Variants in EDN1 observed in about 807,000 individuals in gnomAD.
EDN1 encodes the protein endothelin-1.
Under a neutral mutation model 21.7 loss-of-function variants are expected in EDN1, and 11 were observed. The observed-to-expected ratio is 0.51, with a 90% confidence interval of 0.32 to 0.84. The LOEUF is 0.84. Among genes scored for constraint, EDN1 ranks in the 40% least tolerant of loss-of-function variants. EDN1 has a pLI of 0.03. For synonymous variants in EDN1, 85 were observed against 90.6 expected (o/e 0.94, Z 0.35); for missense variants, 244 against 262.3 (o/e 0.93, Z 0.48).
At chr6:12,265,567 C>A in the EDN1 span, among the ~76,000 whole-genome samples, 10 of 152,164 alleles carry the variant, frequency 6.6e-5, no homozygotes, top group Non-Finnish European at 1.3e-4. Flanking sequence ...AGGAAGGAGA[C>A]TTCAGAAAAA....
At chr6:12,238,354 T>C in the EDN1 span, among the ~76,000 whole-genome samples, 1 of 152,120 alleles carries the variant, frequency 6.6e-6, no homozygotes, top group Admixed American at 6.6e-5. Context: ...AGTGGAGTCA[T>C]TTCTCAAGTC....
chr6:12,274,997 C>T, the EDN1 span, among the ~76,000 whole-genome samples: 1 of 145,684 alleles, frequency 6.9e-6, no homozygotes, highest in African/African-American at 2.6e-5. Flanking sequence ...TCCCTCCCTC[C>T]CTCCCTCCCT....
the EDN1 span, among the ~76,000 whole-genome samples, chr6:12,271,970 C>A: frequency 1.3e-5 from 2 of 152,046 alleles, no homozygotes; most frequent in African/African-American, 4.8e-5. Context: ...TGATATTTTT[C>A]TCAAAAAGCC....
Position 12,293,909 on chromosome 6 carries a change from T to G in EDN1, c.234-32T>G. ...TCATTTTAAAGACTATTAATTACAC[T>G]AATATAGTTTCTTTCTCTCTTTGGA... On this transcript the variant is annotated intron_variant, in intron 2 of 4. Coordinates refer to ENST00000379375, the MANE Select transcript of EDN1 (RefSeq NM_001955.5). 3 of 1,612,678 alleles carry G rather than the reference T, an allele frequency of 1.9e-6. No homozygotes were observed. In the African/African-American group the frequency reaches 4.0e-5, roughly 22 times the overall value.
the EDN1 span, among the ~76,000 whole-genome samples, chr6:12,281,822 G>C: frequency 6.6e-6 from 1 of 152,138 alleles, no homozygotes; most frequent in Non-Finnish European, 1.5e-5. Flanking sequence ...TTCCCTAGAA[G>C]GGATCGAAGC....
the EDN1 span, among the ~76,000 whole-genome samples, chr6:12,270,281 G>A: frequency 6.6e-6 from 1 of 151,670 alleles, no homozygotes; most frequent in African/African-American, 2.4e-5. Context: ...TTTGTTTATT[G>A]TTGCTCTGAT....
At chr6:12,292,558 T>C in intron 2 of EDN1, 49 bp downstream of exon 2, 1 of 1,608,460 alleles carries the variant, frequency 6.2e-7, no homozygotes, top group African/African-American at 1.3e-5. Context: ...TAGCGCTGGC[T>C]CCACTGGAGC....
At chr6:12,260,669 C>G in the EDN1 span, among the ~76,000 whole-genome samples, 1 of 152,122 alleles carries the variant, frequency 6.6e-6, no homozygotes, top group Non-Finnish European at 1.5e-5. Context: ...GATTATATGC[C>G]TTTTACTGTC....
At chr6:12,255,251 A>G in the EDN1 span, among the ~76,000 whole-genome samples, 1 of 152,176 alleles carries the variant, frequency 6.6e-6, no homozygotes, top group Non-Finnish European at 1.5e-5. Context: ...ACCTTCATAA[A>G]TTATCCACCA....
chr6:12,240,247 G>A, the EDN1 span, among the ~76,000 whole-genome samples: 17 of 152,188 alleles, frequency 1.1e-4, no homozygotes, highest in African/African-American at 2.2e-4. Flanking sequence ...AGAAAGGCGC[G>A]CACTTGGGAG....
chr6:12,270,064 C>A, the EDN1 span, among the ~76,000 whole-genome samples: 1 of 151,928 alleles, frequency 6.6e-6, no homozygotes, highest in Non-Finnish European at 1.5e-5. Flanking sequence ...TTAACCATTT[C>A]TTCTAGATTT....
At chr6:12,284,019 C>T in the EDN1 span, among the ~76,000 whole-genome samples, 2 of 152,162 alleles carry the variant, frequency 1.3e-5, no homozygotes, top group Non-Finnish European at 2.9e-5. Flanking sequence ...TTTCTTTTCT[C>T]CATTTGTATT....
At chr6:12,258,221 G>T in the EDN1 span, among the ~76,000 whole-genome samples, 17 of 151,674 alleles carry the variant, frequency 1.1e-4, no homozygotes, top group Admixed American at 1.1e-3. Context: ...AGAGGCCAAA[G>T]CCGGAAGATC....
the EDN1 span, among the ~76,000 whole-genome samples, chr6:12,256,930 C>T: frequency 4.6e-5 from 7 of 152,056 alleles, no homozygotes; most frequent in East Asian, 3.9e-4. Flanking sequence ...TCTGTACAGA[C>T]GTATTAAAGG....
At chr6:12,295,523 T>G (rs1434511142) in intron 4 of EDN1, among the ~76,000 whole-genome samples, 1 of 152,144 alleles carries the variant, frequency 6.6e-6, no homozygotes, top group African/African-American at 2.4e-5. Flanking sequence ...CCATAAAGTA[T>G]TTGCTCTGGG....
At chr6:12,276,736 T>C in the EDN1 span, among the ~76,000 whole-genome samples, 1 of 152,186 alleles carries the variant, frequency 6.6e-6, no homozygotes, top group African/African-American at 2.4e-5. Flanking sequence ...GGGAAAAACA[T>C]GCCAAGCTCC....
At chr6:12,247,883 G>A in the EDN1 span, among the ~76,000 whole-genome samples, 2,646 of 152,164 alleles carry the variant, frequency 0.017, 38 homozygotes, top group Middle Eastern at 0.044. Context: ...GACTGAGACA[G>A]ATCCCCCTAA....
chr6:12,250,213 A>G, the EDN1 span, among the ~76,000 whole-genome samples: 4 of 151,904 alleles, frequency 2.6e-5, no homozygotes, highest in African/African-American at 4.8e-5. Flanking sequence ...TGGAAAATAT[A>G]TGATGTCATA....
chr6:12,260,088 G>C, the EDN1 span, among the ~76,000 whole-genome samples: 1 of 151,548 alleles, frequency 6.6e-6, no homozygotes, highest in Non-Finnish European at 1.5e-5. Flanking sequence ...CAAACATCTG[G>C]GTAAAATATT....
Sources: allele counts gnomAD v4.1 joint callset (sites outside exome capture counted in the v4.1 genomes callset), GRCh38; gene constraint gnomAD v4.1.1; transcripts MANE v1.5; gene names NCBI Gene and HGNC (gene_info 2026-07-23, HGNC 2026-07-21).